WDR70: variants seen among roughly 807,000 people sequenced by gnomAD.
WDR70 encodes the protein WD repeat-containing protein 70.
In WDR70, 53 loss-of-function variants were observed where a neutral mutation model predicts 88.6. The ratio of observed to expected loss-of-function variants is 0.60; its 90% confidence interval spans 0.48 to 0.75. The LOEUF is 0.75. Ranked by LOEUF, WDR70 falls within the 30% of genes least tolerant of loss-of-function variation. The pLI is 0.00. For missense variants in WDR70, 610 were observed against 823.2 expected (o/e 0.74, Z 3.17); for synonymous variants, 280 against 270.0 (o/e 1.04, Z -0.36).
At chr5:37,402,819 C>A (rs1291127871) in intron 5 of WDR70, among the ~76,000 whole-genome samples, 2 of 152,076 alleles carry the variant, frequency 1.3e-5, no homozygotes, top group African/African-American at 4.8e-5. Flanking sequence ...ACCTTCCCAG[C>A]CTCTAGTAGT....
At chr5:37,698,613 A>G (rs150564106) in intron 11 of WDR70, among the ~76,000 whole-genome samples, 1 of 152,354 alleles carries the variant, frequency 6.6e-6, no homozygotes, top group African/African-American at 2.4e-5. Context: ...TTGAGCATCT[A>G]CTATGAGCTA....
intron 10 of WDR70, among the ~76,000 whole-genome samples, chr5:37,613,859 A>G (rs558852738): frequency 8.3e-4 from 127 of 152,332 alleles, no homozygotes; most frequent in African/African-American, 2.9e-3. Flanking sequence ...ACTAAAAACT[A>G]CAGTTAGTAT....
Position 37,635,305 on chromosome 5 carries a change from C to T in WDR70, c.1092+30067C>T, listed in dbSNP as rs1306608663. Among the ~76,000 whole-genome samples the T allele has an allele frequency of 3.9e-5, 6 of 152,116 alleles. No homozygotes were observed. The South Asian group carries it at 6.2e-4, about 16-fold the overall frequency. ...TTTTGATAAGGGTTAGGAGAGGATC[C>T]TGCACTGTGGTGTGGAAGAAGAGCA... On this transcript the variant is annotated intron_variant, in intron 10 of 17. Coordinates refer to ENST00000265107, the MANE Select transcript of WDR70 (RefSeq NM_018034.4).
chr5:37,589,467 T>C (rs933751423), intron 9 of WDR70, among the ~76,000 whole-genome samples: 2 of 152,212 alleles, frequency 1.3e-5, no homozygotes, highest in Non-Finnish European at 2.9e-5. Flanking sequence ...TGTTGAGTAC[T>C]GTTTCACCTG....
At chr5:37,532,769 A>G (rs762023908) in intron 9 of WDR70, among the ~76,000 whole-genome samples, 5 of 152,008 alleles carry the variant, frequency 3.3e-5, no homozygotes, top group Admixed American at 3.3e-4. Context: ...GGCAATTGAG[A>G]TATTTCATTT....
At chr5:37,718,558 G>T (rs532574621) in intron 13 of WDR70, among the ~76,000 whole-genome samples, 5 of 152,088 alleles carry the variant, frequency 3.3e-5, no homozygotes, top group African/African-American at 1.2e-4. Flanking sequence ...TTTGACAGCC[G>T]CTTTCATTAT....
rs1746590552 is a variant in WDR70, at chr5:37,686,146, C to G, written c.1093-11509C>G. ...AGTGAGACCACCCCCCGCCCCAGCT[C>G]TACAAAATAAAAGTATAAAAACCAG... On this transcript the variant is annotated intron_variant, in intron 10 of 17. Coordinates refer to ENST00000265107, the MANE Select transcript of WDR70 (RefSeq NM_018034.4). Among the ~76,000 whole-genome samples the G allele has an allele frequency of 3.4e-5, 5 of 149,040 alleles. 1 individual carries two copies. The South Asian group carries it at 1.1e-3, about 32-fold the overall frequency.
chr5:37,408,457 G>C (rs531592981), intron 5 of WDR70, among the ~76,000 whole-genome samples: 1 of 152,192 alleles, frequency 6.6e-6, no homozygotes, highest in East Asian at 1.9e-4. Context: ...TTGGGAGACA[G>C]AGCGAGACAC....
At chr5:37,390,012 G>T (rs996935341) in intron 3 of WDR70, among the ~76,000 whole-genome samples, 1 of 152,118 alleles carries the variant, frequency 6.6e-6, no homozygotes, top group Admixed American at 6.6e-5. Flanking sequence ...GTCCTTTGCT[G>T]CTGCTCAACT....
At chr5:37,386,187 A>G (rs2111861928) in intron 3 of WDR70, among the ~76,000 whole-genome samples, 1 of 152,208 alleles carries the variant, frequency 6.6e-6, no homozygotes, top group South Asian at 2.1e-4. Context: ...ATGGACAAAG[A>G]CATGCTATCT....
chr5:37,711,870 A>G (rs1747520466), intron 13 of WDR70, among the ~76,000 whole-genome samples: 1 of 151,328 alleles, frequency 6.6e-6, no homozygotes, highest in South Asian at 2.1e-4. Flanking sequence ...ATTTTATTCT[A>G]TTATATTCTT....
At position 37,452,692 on chromosome 5, in the gene WDR70, A is replaced by C. The variant is rs554798037; in HGVS notation, c.686+9320A>C. On this transcript the variant is annotated intron_variant, in intron 7 of 17. Coordinates refer to ENST00000265107, the MANE Select transcript of WDR70 (RefSeq NM_018034.4). ...GATCTGTATTATTCCTATATTATCC[A>C]CAAAGATAACTTGAGGGAGTTTGTT... is the stretch of plus-strand genomic sequence containing the variant. Among the ~76,000 whole-genome samples, 22 of 152,338 alleles carry C rather than the reference A, an allele frequency of 1.4e-4. No homozygotes were observed. The South Asian group carries it at 4.6e-3, about 32-fold the overall frequency.
intron 9 of WDR70, among the ~76,000 whole-genome samples, chr5:37,599,661 G>A (rs1468884687): frequency 6.6e-6 from 1 of 152,098 alleles, no homozygotes; most frequent in African/African-American, 2.4e-5. Context: ...GAAGGCTGAG[G>A]TGGGTGGATC....
At chr5:37,460,703 T>A (rs1423163257) in intron 7 of WDR70, among the ~76,000 whole-genome samples, 1 of 141,782 alleles carries the variant, frequency 7.1e-6, no homozygotes, top group African/African-American at 2.5e-5. Context: ...AAAAAAACAT[T>A]AAAAATAAAA....
Position 37,397,991 on chromosome 5 carries a change from G to GA in WDR70, c.492+1437dup, listed in dbSNP as rs5867347. ...AGCCTGGGTGACAGATTCGGTCTCAGAAAAAAAAAAAAAAAAGATATAATC... is the reference window on the plus strand; with the variant it reads ...AGCCTGGGTGACAGATTCGGTCTCAGAAAAAAAAAAAAAAAAAGATATAATC... On this transcript the variant is annotated intron_variant, in intron 5 of 17. Coordinates refer to ENST00000265107, the MANE Select transcript of WDR70 (RefSeq NM_018034.4). Among the ~76,000 whole-genome samples the GA allele has an allele frequency of 1.9e-3, 189 of 100,506 alleles. 1 individual carries two copies. The highest frequency in any genetic ancestry group is 5.2e-3 in the African/African-American group (118 of 22,728). 65.9% of individuals were successfully genotyped at this position (100,506 alleles called of 152,430 possible).
chr5:37,427,756 G>A (rs554516872), intron 5 of WDR70, among the ~76,000 whole-genome samples: 6 of 152,220 alleles, frequency 3.9e-5, no homozygotes, highest in East Asian at 3.9e-4. Context: ...GCGTGGTGGC[G>A]CGCGCCTGTA....
intron 7 of WDR70, among the ~76,000 whole-genome samples, chr5:37,467,226 CA>C (rs202082473): frequency 4.4e-5 from 6 of 135,298 alleles, no homozygotes; most frequent in African/African-American, 1.1e-4. Context: ...GACTCTGTCT[CA>C]AAAAAAAAAA....
At chr5:37,649,733 C>CTTTTTTTTTTTTTT (rs70978834) in intron 10 of WDR70, among the ~76,000 whole-genome samples, 4 of 68,738 alleles carry the variant, frequency 5.8e-5, no homozygotes, top group African/African-American at 2.6e-4. Flanking sequence ...GTTATTACTT[C>CTTTTTTTTTTTTTT]TTTTTTTTTT....
chr5:37,554,108 CTT>C (rs75489460), intron 9 of WDR70, among the ~76,000 whole-genome samples: 33 of 134,336 alleles, frequency 2.5e-4, no homozygotes, highest in Admixed American at 2.2e-4. Flanking sequence ...TGCAATACTC[CTT>C]TTTTTTTTTT....
Sources: gnomAD v4.1 joint callset for allele counts (sites outside exome capture counted in the v4.1 genomes callset) on GRCh38, gnomAD v4.1.1 for gene constraint, MANE v1.5 for transcripts, NCBI Gene and HGNC (gene_info 2026-07-23, HGNC 2026-07-21) for gene names.